TBC1D32: variants seen among roughly 807,000 people sequenced by gnomAD.
The protein encoded by TBC1D32 is protein broad-minded.
A neutral mutation model predicts 170.3 loss-of-function variants in TBC1D32; 151 were observed. That is an observed-to-expected ratio of 0.89 (90% CI 0.78 to 1.01). TBC1D32 has a LOEUF of 1.01. Among genes scored for constraint, TBC1D32 ranks in the 50% least tolerant of loss-of-function variants. The probability of loss-of-function intolerance (pLI) is 0.00; values close to 1 mark genes in which losing one functional copy is unlikely to be tolerated. For synonymous variants in TBC1D32, 498 were observed against 488.0 expected (o/e 1.02, Z -0.27); for missense variants, 1,464 against 1,457.1 (o/e 1.00, Z -0.08).
At chr6:121,318,234 C>A (rs2128497517) in intron 2 of TBC1D32, among the ~76,000 whole-genome samples, 1 of 152,150 alleles carries the variant, frequency 6.6e-6, no homozygotes, top group African/African-American at 2.4e-5. Flanking sequence ...AATCCACTCT[C>A]AGGATGTTAG....
chr6:121,085,358 TAC>T (rs1776142418), intron 31 of TBC1D32, among the ~76,000 whole-genome samples: 1 of 113,980 alleles, frequency 8.8e-6, no homozygotes, highest in Admixed American at 9.5e-5. Flanking sequence ...TACATATATA[TAC>T]ATATATATAT....
Position 121,319,662 on chromosome 6 carries a change from A to G in TBC1D32, c.317+1971T>C, listed in dbSNP as rs143351517. Among the ~76,000 whole-genome samples the G allele has an allele frequency of 9.8e-5, 15 of 152,338 alleles. No homozygotes were observed. The East Asian group carries it at 2.3e-3, about 23-fold the overall frequency. On this transcript the variant is annotated intron_variant, in intron 2 of 31. Transcript: ENST00000398212. ...GGTACTTAAAATCCATAGAAAATCTATAAGTTTCGCTTTGAACATGAATGT... is the reference window on the plus strand; with the variant it reads ...GGTACTTAAAATCCATAGAAAATCTGTAAGTTTCGCTTTGAACATGAATGT...
At chr6:121,292,730 G>A (rs959809394) in intron 11 of TBC1D32, among the ~76,000 whole-genome samples, 4 of 152,094 alleles carry the variant, frequency 2.6e-5, no homozygotes, top group Admixed American at 6.6e-5. Context: ...CTAAGAAAAG[G>A]AAATATTGAT....
chr6:121,131,695 C>T lies in TBC1D32; in HGVS notation c.2831G>A (p.Trp944Ter). 1 of 1,610,224 alleles carries T rather than the reference C, an allele frequency of 6.2e-7. No homozygotes were observed. The highest frequency in any genetic ancestry group is 8.5e-7 in the Non-Finnish European group (1 of 1,177,802). The part of the protein sequence containing the change: ...CLKISDKQTE[W>*]IENCQRQFCK... ...AAATTGTCTTTGGCAGTTTTCTATC[C>T]ATTCAGTTTGTTTATCAGATATTTT... Residue 944 changes from tryptophan to a stop codon, truncating the protein, a stop_gained, in exon 25 of 32, where the codon TGG (tryptophan) becomes TAG (stop). Transcript: ENST00000398212. LOFTEE classifies it high-confidence loss of function.
chr6:121,159,965 C>A, intron 24 of TBC1D32, 45 bp downstream of exon 24: 1 of 1,346,224 alleles, frequency 7.4e-7, no homozygotes, highest in South Asian at 1.2e-5. Context: ...CAAATTATAA[C>A]AAAAGCTTTA....
intron 12 of TBC1D32, among the ~76,000 whole-genome samples, chr6:121,286,891 C>T (rs902784724): frequency 6.6e-6 from 1 of 152,136 alleles, no homozygotes; most frequent in African/African-American, 2.4e-5. Flanking sequence ...AATTTCATAT[C>T]CAGCCAAACT....
intron 12 of TBC1D32, among the ~76,000 whole-genome samples, chr6:121,289,677 G>C (rs1804506954): frequency 6.6e-6 from 1 of 152,102 alleles, no homozygotes; most frequent in Admixed American, 6.6e-5. Context: ...CCAAAAAAGA[G>C]CCCGCATTGC....
intron 21 of TBC1D32, among the ~76,000 whole-genome samples, chr6:121,205,384 C>G (rs938467558): frequency 1.3e-5 from 2 of 152,084 alleles, no homozygotes; most frequent in African/African-American, 4.8e-5. Context: ...TGAGTGTGGC[C>G]TAGATTTACA....
intron 24 of TBC1D32, among the ~76,000 whole-genome samples, chr6:121,136,950 T>C (rs1218797899): frequency 6.6e-6 from 1 of 152,098 alleles, no homozygotes; most frequent in East Asian, 1.9e-4. Flanking sequence ...ATAAAGTCTA[T>C]ATCAGAACTC....
rs1582907265 is a variant in TBC1D32, at chr6:121,134,402, T to C, written c.2774-2650A>G. 2.6e-5 allele frequency among the ~76,000 whole-genome samples: 4 copies of C among 152,252 alleles called. No individual in the cohort carries two copies. In the South Asian group the frequency reaches 8.3e-4, roughly 32 times the overall value. The stretch of plus-strand genomic sequence containing the variant: ...TCTGTTTTGCTTTCTCATCATCTCA[T>C]TCTAAGGAAAAGAACACAAGGCACT... On this transcript the variant is annotated intron_variant, in intron 24 of 31. Coordinates refer to ENST00000398212, the MANE Select transcript of TBC1D32 (RefSeq NM_152730.6).
Position 121,304,633 on chromosome 6 carries a change from A to C in TBC1D32, c.770-8T>G. ...ATGACTCCAAATACTTAGCTGAAAA[A>C]AAAGGGAAAACATAAAATTACATCA... On this transcript the variant is annotated splice_region_variant and splice_polypyrimidine_tract_variant and intron_variant, in intron 6 of 31. Coordinates refer to ENST00000398212, the MANE Select transcript of TBC1D32 (RefSeq NM_152730.6). 1 of 1,584,982 alleles carries C rather than the reference A, an allele frequency of 6.3e-7. No individual in the cohort carries two copies. The highest frequency in any genetic ancestry group is 8.6e-7 in the Non-Finnish European group (1 of 1,165,108).
At chr6:121,240,806 C>T (rs569124359) in intron 19 of TBC1D32, among the ~76,000 whole-genome samples, 4 of 134,146 alleles carry the variant, frequency 3.0e-5, no homozygotes, top group Admixed American at 1.8e-4. Context: ...ACCCAGGAGG[C>T]GGAGGTTGCA....
chr6:121,282,629 GATGAGC>G (rs1295435951), intron 13 of TBC1D32, among the ~76,000 whole-genome samples: 3 of 151,668 alleles, frequency 2.0e-5, no homozygotes, highest in African/African-American at 7.2e-5. Context: ...AGATATTATT[GATGAGC>G]ATATGGTCAT....
chr6:121,256,056 A>C, intron 16 of TBC1D32, 28 bp downstream of exon 16: 1 of 1,578,088 alleles, frequency 6.3e-7, no homozygotes, highest in South Asian at 1.2e-5. Flanking sequence ...ATTTGCAGGG[A>C]GAAAAAACGA....
chr6:121,094,770 C>A (rs573000123), intron 30 of TBC1D32, among the ~76,000 whole-genome samples: 2 of 152,210 alleles, frequency 1.3e-5, no homozygotes, highest in African/African-American at 4.8e-5. Flanking sequence ...AGATAAACCA[C>A]AATTTATTCA....
chr6:121,197,590 T>C (rs1424413005), intron 22 of TBC1D32, among the ~76,000 whole-genome samples: 2 of 152,226 alleles, frequency 1.3e-5, no homozygotes, highest in Non-Finnish European at 2.9e-5. Context: ...CATATCAGCA[T>C]TTAAGTATTG....
chr6:121,195,102 C>T (rs1406390841), intron 22 of TBC1D32, among the ~76,000 whole-genome samples: 1 of 152,204 alleles, frequency 6.6e-6, no homozygotes, highest in African/African-American at 2.4e-5. Context: ...GGAGGCAACA[C>T]ATTCCTCACT....
intron 26 of TBC1D32, among the ~76,000 whole-genome samples, chr6:121,120,169 T>G (rs1780109286): frequency 6.6e-6 from 1 of 152,036 alleles, no homozygotes; most frequent in South Asian, 2.1e-4. Flanking sequence ...AGTCACTTCA[T>G]TTTTTGGCTT....
chr6:121,242,895 T>C (rs1484076344), intron 17 of TBC1D32, among the ~76,000 whole-genome samples: 1 of 152,082 alleles, frequency 6.6e-6, no homozygotes, highest in Non-Finnish European at 1.5e-5. Flanking sequence ...GACTGGGAAT[T>C]ATGGATGTTT....
Sources: gnomAD v4.1 joint callset for allele counts (sites outside exome capture counted in the v4.1 genomes callset) on GRCh38, gnomAD v4.1.1 for gene constraint, MANE v1.5 for transcripts, NCBI Gene and HGNC (gene_info 2026-07-23, HGNC 2026-07-21) for gene names.